Variants in SMAD2 observed in about 807,000 individuals in gnomAD.
SMAD2 encodes MAD homolog 2.
A neutral mutation model predicts 64.4 loss-of-function variants in SMAD2; 8 were observed. That is an observed-to-expected ratio of 0.12 (90% confidence interval 0.07 to 0.22). The LOEUF (loss-of-function observed/expected upper bound fraction) is 0.22, where lower values mean the gene tolerates loss of function less well. SMAD2 is among the 10% of genes least tolerant of loss of function. The probability of loss-of-function intolerance (pLI) is 1.00; values close to 1 mark genes in which losing one functional copy is unlikely to be tolerated. For missense variants in SMAD2, 289 were observed against 561.2 expected (o/e 0.51, Z 4.90); for synonymous variants, 203 against 195.8 (o/e 1.04, Z -0.31).
In SMAD2 at chr18:47,826,470, T is replaced by C. The variant is rs1406361392; in HGVS notation, c.*15357A>G. ...AGCATGCAGACATGAAAGGGAGTTA[T>C]GGGATTGGGCTTGGCTGTTGTTGCC... On this transcript the variant is annotated 3_prime_UTR_variant, in exon 11 of 11. Coordinates refer to ENST00000262160, the MANE Select transcript of SMAD2 (RefSeq NM_005901.6). 2.0e-5 allele frequency: 3 copies of C among 152,242 alleles called. No individual in the cohort carries two copies. In the East Asian group the frequency reaches 5.8e-4, roughly 29 times the overall value. 9.4% of individuals were successfully genotyped at this position (152,242 alleles called of 1,614,324 possible).
chr18:47,816,299 C>A lies in SMAD2; in HGVS notation c.*25528G>T. On this transcript the variant is annotated 3_prime_UTR_variant, in exon 11 of 11. Coordinates refer to ENST00000262160, the MANE Select transcript of SMAD2 (RefSeq NM_005901.6). ...AAAAAAGATTTTTATAAATTATACA[C>A]AATTGGGTAGCTTTAAAAAATACCA... 6.6e-6 allele frequency: 1 copy of A among 152,176 alleles called. No homozygotes were observed. The highest frequency in any genetic ancestry group is 1.9e-4 in the East Asian group (1 of 5,204). The allele number at this position is 152,176 out of a possible 1,614,324, so 9.4% of individuals were successfully genotyped here.
chr18:47,884,924 C>G (rs567511208), intron 2 of SMAD2, among the ~76,000 whole-genome samples: 1 of 152,236 alleles, frequency 6.6e-6, no homozygotes, highest in South Asian at 2.1e-4. Flanking sequence ...GATATTTCTG[C>G]TGCCCCTGAA....
intron 1 of SMAD2, among the ~76,000 whole-genome samples, chr18:47,927,201 A>C (rs1430507419): frequency 6.6e-6 from 1 of 152,212 alleles, no homozygotes; most frequent in Non-Finnish European, 1.5e-5. Context: ...ACAAGTGTAC[A>C]TCTGTTCAGC....
Position 47,813,732 on chromosome 18 carries a change from T to TTTTTTTTTTG in SMAD2, c.*28094_*28095insCAAAAAAAAA, listed in dbSNP as rs59275200. On this transcript the variant is annotated 3_prime_UTR_variant, in exon 11 of 11. Transcript: ENST00000262160. ...CACAATTTTTTTTTTTTTTTTTTTT[T>TTTTTTTTTTG]GGAGAGATGGGATCTTGCTATGTTG... 17 of 121,332 alleles carry TTTTTTTTTTG rather than the reference T, an allele frequency of 1.4e-4. No homozygotes were observed. The highest frequency in any genetic ancestry group is 5.5e-4 in the African/African-American group (17 of 30,728). The allele number at this position is 121,332 out of a possible 1,614,324, so 7.5% of individuals were successfully genotyped here.
chr18:47,870,929 A>G (rs2031894988), intron 2 of SMAD2, among the ~76,000 whole-genome samples: 1 of 152,190 alleles, frequency 6.6e-6, no homozygotes, highest in South Asian at 2.1e-4. Flanking sequence ...TTTTTAAAAA[A>G]TTATCTAAAA....
intron 1 of SMAD2, 68 bp from the exon 2 acceptor site, chr18:47,896,877 A>T (rs1222393593): frequency 2.1e-5 from 30 of 1,415,944 alleles, no homozygotes; most frequent in Non-Finnish European, 2.8e-5. Flanking sequence ...TCAACTTATC[A>T]TAGAAAGCAA....
intron 2 of SMAD2, chr18:47,886,885 G>A (rs1315891258): frequency 1.9e-5 from 3 of 154,790 alleles, no homozygotes; most frequent in African/African-American, 7.6e-5. Context: ...TGAAAATAAA[G>A]CATCACTGGC....
intron 2 of SMAD2, chr18:47,878,326 T>C (rs2032385335): frequency 6.6e-6 from 1 of 152,226 alleles, no homozygotes; most frequent in East Asian, 1.9e-4. Context: ...TCCAAGGTCT[T>C]TGATGCTCAT....
intron 1 of SMAD2, among the ~76,000 whole-genome samples, chr18:47,926,082 C>A (rs2034750837): frequency 6.6e-6 from 1 of 152,210 alleles, no homozygotes; most frequent in African/African-American, 2.4e-5. Context: ...TAGGGTGCTA[C>A]CACACTGAAA....
At chr18:47,866,527 A>G (rs547333145) in intron 5 of SMAD2, among the ~76,000 whole-genome samples, 88 of 152,206 alleles carry the variant, frequency 5.8e-4, no homozygotes, top group African/African-American at 2.0e-3. Context: ...ATAAGGGTAC[A>G]TATTATGCAT....
At chr18:47,910,526 CAA>C (rs1346958222) in intron 1 of SMAD2, among the ~76,000 whole-genome samples, 4 of 152,058 alleles carry the variant, frequency 2.6e-5, no homozygotes, top group African/African-American at 7.2e-5. Flanking sequence ...AATGAAAATG[CAA>C]AAAGTCAGGC....
intron 6 of SMAD2, among the ~76,000 whole-genome samples, chr18:47,863,173 T>A (rs543970696): frequency 6.6e-6 from 1 of 152,194 alleles, no homozygotes; most frequent in Non-Finnish European, 1.5e-5. Flanking sequence ...GTGGCCAACT[T>A]TGTTCTAAAT....
At chr18:47,882,739 G>A (rs2144423342) in intron 2 of SMAD2, among the ~76,000 whole-genome samples, 1 of 152,324 alleles carries the variant, frequency 6.6e-6, no homozygotes, top group South Asian at 2.1e-4. Context: ...GTAAAACCAT[G>A]TGGGCCTGAA....
rs1191912730 is a variant in SMAD2 at position 47,815,676 on chromosome 18, A to G, written c.*26151T>C. ...GGCAACTGCAGCAAATGGAGGGGTGATTTAGTAAGGAGGGGGTGAAACCGA... is the reference window on the plus strand; with the variant it reads ...GGCAACTGCAGCAAATGGAGGGGTGGTTTAGTAAGGAGGGGGTGAAACCGA... On this transcript the variant is annotated 3_prime_UTR_variant, in exon 11 of 11. Coordinates refer to ENST00000262160, the MANE Select transcript of SMAD2 (RefSeq NM_005901.6). 6.6e-6 allele frequency: 1 copy of G among 152,282 alleles called. No homozygotes were observed. Among genetic ancestry groups the G allele is most frequent in the African/African-American group, 2.4e-5 (1 of 41,462 alleles). The allele number at this position is 152,282 out of a possible 1,614,324, so 9.4% of individuals were successfully genotyped here.
In SMAD2 at chr18:47,816,404, T is replaced by G. The variant is rs1912369100; in HGVS notation, c.*25423A>C. ...TGGAAAATGAGAAAAGATAGTCTGG[T>G]ATAACTGCCTGAACAACTTATTAAG... On this transcript the variant is annotated 3_prime_UTR_variant, in exon 11 of 11. Transcript: ENST00000262160. 6.6e-6 allele frequency: 1 copy of G among 152,208 alleles called. No homozygotes were observed. Among genetic ancestry groups the G allele is most frequent in the Admixed American group, 6.5e-5 (1 of 15,276 alleles). 9.4% of individuals were successfully genotyped at this position (152,208 alleles called of 1,614,324 possible). A position where few individuals can be genotyped will look rare whatever the true frequency, so the allele number is the denominator to read the frequency against.
chr18:47,910,965 C>G (rs973511847), intron 1 of SMAD2, among the ~76,000 whole-genome samples: 4 of 152,078 alleles, frequency 2.6e-5, no homozygotes, highest in Admixed American at 6.5e-5. Flanking sequence ...TAAATAAAAG[C>G]TCAAAAAAGG....
intron 1 of SMAD2, among the ~76,000 whole-genome samples, chr18:47,898,507 T>G (rs372657505): frequency 3.9e-5 from 6 of 152,276 alleles, no homozygotes; most frequent in African/African-American, 1.4e-4. Context: ...TTAAAGAAGA[T>G]CCTAACACAA....
chr18:47,877,932 G>A (rs2032361896), intron 2 of SMAD2, among the ~76,000 whole-genome samples: 1 of 152,082 alleles, frequency 6.6e-6, no homozygotes, highest in African/African-American at 2.4e-5. Context: ...GGCATAATTG[G>A]GCAGTAATTA....
At chr18:47,912,491 T>A (rs1405798981) in intron 1 of SMAD2, 1 of 152,250 alleles carries the variant, frequency 6.6e-6, no homozygotes, top group African/African-American at 2.4e-5. Flanking sequence ...GTAACTATGT[T>A]CATCACATGG....
Sources: allele counts gnomAD v4.1 joint callset (sites outside exome capture counted in the v4.1 genomes callset), GRCh38; gene constraint gnomAD v4.1.1; transcripts MANE v1.5; gene names NCBI Gene and HGNC (gene_info 2026-07-23, HGNC 2026-07-21).